Variants in MYOM3 observed in about 807,000 individuals in gnomAD.
MYOM3 encodes myomesin-3.
In MYOM3, 155 loss-of-function variants were observed where a neutral mutation model predicts 191.7. That is an observed-to-expected ratio of 0.81 (90% CI 0.71 to 0.92). The LOEUF (loss-of-function observed/expected upper bound fraction) is 0.92. MYOM3 is among the 40% of genes least tolerant of loss of function. The pLI is 0.00. For missense variants in MYOM3, 1,889 were observed against 1,890.6 expected (o/e 1.00, Z 0.02); for synonymous variants, 757 against 762.9 (o/e 0.99, Z 0.13).
At chr1:24,064,363 C>T in intron 29 of MYOM3, 1 of 540,816 alleles carries the variant, frequency 1.8e-6, no homozygotes, top group South Asian at 2.2e-5. Context: ...CCTTGGATTC[C>T]TAGCTCGGGG....
At chr1:24,081,497 G>A in intron 18 of MYOM3, 41 bp from the exon 19 acceptor site, 1 of 1,603,388 alleles carries the variant, frequency 6.2e-7, no homozygotes, top group Non-Finnish European at 8.5e-7. Flanking sequence ...TGAGGCTGGA[G>A]GAGGGATGGG....
Position 24,068,336 on chromosome 1 carries a change from C to T in MYOM3, c.3182G>A (p.Gly1061Asp), listed in dbSNP as rs1643479806. 2 of 1,614,082 alleles carry T rather than the reference C, an allele frequency of 1.2e-6. No individual in the cohort carries two copies. Among genetic ancestry groups the T allele is most frequent in the Non-Finnish European group, 1.7e-6 (2 of 1,179,950 alleles). Residue 1061 changes from glycine to aspartate, a missense_variant, in exon 26 of 37, where the codon GGC becomes GAC. Gly to Asp is a moderately conservative substitution (Grantham distance 94, BLOSUM62 -1). Transcript: ENST00000374434. ...GTTCTGGATGATCACTTCCACCAGG[C>T]CCTTCTCTCGGTCAAAATTGATTTT... Reference protein sequence around the residue: ...NRKINFDREKGLVEVIIQNLS... With the variant: ...NRKINFDREKDLVEVIIQNLS...
In MYOM3 at chr1:24,078,371, C is replaced by G. The variant is rs533662576; in HGVS notation, c.2586+1645G>C. Among the ~76,000 whole-genome samples, 3 of 152,300 alleles carry G rather than the reference C, an allele frequency of 2.0e-5. No homozygotes were observed. In the East Asian group the frequency reaches 5.8e-4, roughly 29 times the overall value. On this transcript the variant is annotated intron_variant, in intron 20 of 36. Transcript: ENST00000374434. Reference sequence around the variant, plus strand: ...ACCTCAGGAGATCCGCCTGCCTCGGCCTCCTAGAGTGCTGGGATTACAGGC... The same window carrying G: ...ACCTCAGGAGATCCGCCTGCCTCGGGCTCCTAGAGTGCTGGGATTACAGGC...
rs1391024789 is a variant in MYOM3, at chr1:24,081,323, C to T, written c.2407+7G>A. ...GGCACTGGACTTCAGGCCTGCAGGC[C>T]TCTCACCTGGCTGGGGCATTGTCCA... On this transcript the variant is annotated splice_region_variant and intron_variant, in intron 19 of 36. Coordinates refer to ENST00000374434, the MANE Select transcript of MYOM3 (RefSeq NM_152372.4). 1.9e-6 allele frequency: 3 copies of T among 1,613,486 alleles called. No homozygotes were observed. The highest frequency in any genetic ancestry group is 4.5e-5 in the East Asian group (2 of 44,878).
At chr1:24,069,069 G>C (rs1378499084) in intron 25 of MYOM3, among the ~76,000 whole-genome samples, 1 of 152,026 alleles carries the variant, frequency 6.6e-6, no homozygotes, top group Non-Finnish European at 1.5e-5. Flanking sequence ...CCATTGGCGT[G>C]TGTAAAGGAT....
intron 26 of MYOM3, 66 bp downstream of exon 26, chr1:24,068,157 G>T: frequency 6.4e-7 from 1 of 1,572,578 alleles, no homozygotes; most frequent in Non-Finnish European, 8.7e-7. Flanking sequence ...CAGGGCTGCA[G>T]GGCAGGCCAG....
chr1:24,070,549 C>T (rs1027210669), intron 25 of MYOM3, among the ~76,000 whole-genome samples: 1 of 152,052 alleles, frequency 6.6e-6, no homozygotes, highest in African/African-American at 2.4e-5. Context: ...GATCATGCCA[C>T]TGCACTTTAG....
rs7533060 is a variant in MYOM3, at chr1:24,089,580, G to T, written c.1572C>A (p.Pro524=). ...EAYVVLAWEE[P]SPRDRAPLTY... ...TCAGTGGTGCTCTGTCCCGGGGGCT[G>T]GGCTCCTCCCAGGCCAGAACCACAT... Residue 524 remains proline (P), a synonymous_variant, in exon 14 of 37, where the codon CCC becomes CCA. Transcript: ENST00000374434. The T allele has an allele frequency of 2.6e-5, 41 of 1,596,598 alleles. No individual in the cohort carries two copies. Among genetic ancestry groups the T allele is most frequent in the Admixed American group, 1.0e-4 (6 of 57,312 alleles).
intron 15 of MYOM3, among the ~76,000 whole-genome samples, chr1:24,086,147 A>C (rs942108688): frequency 6.6e-6 from 1 of 152,112 alleles, no homozygotes; most frequent in Non-Finnish European, 1.5e-5. Context: ...CCTTTAGAAC[A>C]ATGGGTTTGC....
chr1:24,067,331 T>TCTTTCTTC (rs1211625240), intron 27 of MYOM3, among the ~76,000 whole-genome samples: 1 of 68,272 alleles, frequency 1.5e-5, no homozygotes, highest in Non-Finnish European at 3.0e-5. Flanking sequence ...TTTCCTTCTT[T>TCTTTCTTC]CTTTCTTTCT....
Position 24,063,345 on chromosome 1 carries a change from C to T in MYOM3, c.3662-111G>A. ...GGGGGCAGGTGCTGTGGGGGAAATG[C>T]AGTGCTGTGAAGAGGCGGGATTTTC... On this transcript the variant is annotated intron_variant, in intron 31 of 36. Coordinates refer to ENST00000374434, the MANE Select transcript of MYOM3 (RefSeq NM_152372.4). This position sits in a 1 kb window ranked among gnomAD's most constrained non-coding sequence, Gnocchi z 4.5. The T allele has an allele frequency of 7.3e-7, 1 of 1,367,606 alleles. No homozygotes were observed. Among genetic ancestry groups the T allele is most frequent in the Non-Finnish European group, 1.0e-6 (1 of 959,220 alleles). 84.7% of individuals were successfully genotyped at this position (1,367,606 alleles called of 1,614,324 possible).
intron 5 of MYOM3, among the ~76,000 whole-genome samples, chr1:24,100,615 G>A (rs1480391822): frequency 2.0e-5 from 3 of 152,218 alleles, no homozygotes; most frequent in Admixed American, 2.0e-4. Context: ...GGCCGGGCAC[G>A]GTGGCTCACG....
intron 7 of MYOM3, among the ~76,000 whole-genome samples, chr1:24,096,913 G>A (rs773334218): frequency 2.0e-5 from 3 of 152,184 alleles, no homozygotes; most frequent in East Asian, 1.9e-4. Context: ...TAATCAACTC[G>A]GGCATCTGAG....
chr1:24,071,396 C>G, intron 24 of MYOM3, 143 bp from the exon 25 acceptor site: 1 of 969,284 alleles, frequency 1.0e-6, no homozygotes, highest in East Asian at 2.8e-5. Context: ...GGGTGGGGCT[C>G]AGAGGAGGGT....
chr1:24,065,386 ATGGGGGAGGACT>A (rs1643421057), intron 29 of MYOM3, among the ~76,000 whole-genome samples: 1 of 152,200 alleles, frequency 6.6e-6, no homozygotes, highest in Non-Finnish European at 1.5e-5. Flanking sequence ...ACCAAAGGCC[ATGGGGGAGGACT>A]TGGGGGGAGA....
intron 5 of MYOM3, among the ~76,000 whole-genome samples, chr1:24,102,353 T>C (rs2148560549): frequency 6.6e-6 from 1 of 152,176 alleles, no homozygotes; most frequent in African/African-American, 2.4e-5. Context: ...CACACACCTG[T>C]CGGGAAGATT....
chr1:24,107,178 C>T lies in MYOM3; in HGVS notation c.297G>A (p.Gln99=), dbSNP rs527618051. 10 of 1,610,298 alleles carry T rather than the reference C, an allele frequency of 6.2e-6. No homozygotes were observed. The highest frequency in any genetic ancestry group is 1.7e-4 in the Middle Eastern group (1 of 6,056). The change falls in exon 4 of 37, where the codon CAG becomes CAA. Residue 99 remains glutamine, a synonymous_variant. Coordinates refer to ENST00000374434, the MANE Select transcript of MYOM3 (RefSeq NM_152372.4). ...TSAVELEERG[Q]KRVGFGNDWE... The stretch of plus-strand genomic sequence containing the variant: ...AGTCATTGCCGAAGCCCACCCGCTT[C>T]TGCCCTCGCTCCTCCAGCTCCACGG...
chr1:24,080,198 T>C lies in MYOM3; in HGVS notation c.2408-4A>G. 1 of 1,605,548 alleles carries C rather than the reference T, an allele frequency of 6.2e-7. No individual in the cohort carries two copies. Among genetic ancestry groups the C allele is most frequent in the Non-Finnish European group, 8.5e-7 (1 of 1,175,526 alleles). On this transcript the variant is annotated splice_region_variant and splice_polypyrimidine_tract_variant and intron_variant, in intron 19 of 36. Coordinates refer to ENST00000374434, the MANE Select transcript of MYOM3 (RefSeq NM_152372.4). ...GCCCGTACATCGTACGGGGGGCCTGTGACAAGTGAGAGATGGGAAGAGATG... is the reference window on the plus strand; with the variant it reads ...GCCCGTACATCGTACGGGGGGCCTGCGACAAGTGAGAGATGGGAAGAGATG...
chr1:24,078,500 C>A (rs1002031769), intron 20 of MYOM3, among the ~76,000 whole-genome samples: 6 of 152,168 alleles, frequency 3.9e-5, no homozygotes, highest in Non-Finnish European at 8.8e-5. Flanking sequence ...GTATCTTATT[C>A]TTTGCCATTG....
Sources: allele counts gnomAD v4.1 joint callset (sites outside exome capture counted in the v4.1 genomes callset), GRCh38; gene constraint gnomAD v4.1.1; non-coding constraint Gnocchi (gnomAD v3.1); transcripts MANE v1.5; gene names NCBI Gene and HGNC (gene_info 2026-07-23, HGNC 2026-07-21).